The following TMEM132C variants were observed in gnomAD, a reference collection of about 807,000 sequenced individuals.
TMEM132C encodes the protein protein phosphatase 1, regulatory subunit 152.
A neutral mutation model predicts 61.4 loss-of-function variants in TMEM132C; 29 were observed. The observed-to-expected ratio is 0.47, with a 90% CI of 0.35 to 0.64. TMEM132C has a LOEUF of 0.64. Among genes scored for constraint, TMEM132C ranks in the 30% least tolerant of loss-of-function variants. TMEM132C has a pLI of 0.00. For synonymous variants in TMEM132C, 656 were observed against 633.1 expected (o/e 1.04, Z -0.54); for missense variants, 1,408 against 1,476.9 (o/e 0.95, Z 0.76).
In TMEM132C at chr12:128,472,194, C is replaced by T. The variant is rs78524450; in HGVS notation, c.974+56574C>T. On this transcript the variant is annotated intron_variant, in intron 2 of 8. Transcript: ENST00000435159. ...CAAACTTCTGGGCTACATAATAACT[C>T]GGGTTTCTATATTGATGTTTGACAC... Among the ~76,000 whole-genome samples, 610 of 152,184 alleles carry T rather than the reference C, an allele frequency of 4.0e-3. 3 individuals carry two copies. The highest frequency in any genetic ancestry group is 0.014 in the African/African-American group (577 of 41,524).
intron 4 of TMEM132C, among the ~76,000 whole-genome samples, chr12:128,628,689 G>T (rs1013781929): frequency 5.3e-5 from 8 of 152,202 alleles, no homozygotes; most frequent in Non-Finnish European, 1.0e-4. Context: ...GCTGTAGGAT[G>T]TATAGGTGGG....
At chr12:128,515,833 T>C (rs1872700696) in intron 2 of TMEM132C, among the ~76,000 whole-genome samples, 1 of 142,578 alleles carries the variant, frequency 7.0e-6, no homozygotes, top group Non-Finnish European at 1.5e-5. Flanking sequence ...AGACTCCGTC[T>C]CAAAAAAAAA....
At chr12:128,332,452 TTCTC>T (rs1317901081) in intron 1 of TMEM132C, among the ~76,000 whole-genome samples, 6 of 151,496 alleles carry the variant, frequency 4.0e-5, no homozygotes, top group African/African-American at 1.5e-4. Flanking sequence ...TGTATTCTCT[TTCTC>T]TCTCTTTCTC....
At chr12:128,401,537 C>T (rs922787260) in intron 1 of TMEM132C, among the ~76,000 whole-genome samples, 2 of 152,142 alleles carry the variant, frequency 1.3e-5, no homozygotes, top group African/African-American at 4.8e-5. Flanking sequence ...TTGCATTTCA[C>T]ATGCAGATTG....
intron 2 of TMEM132C, among the ~76,000 whole-genome samples, chr12:128,495,415 T>C (rs10161496): frequency 0.35 from 52,545 of 151,778 alleles, 9,520 homozygotes; most frequent in East Asian, 0.58. Flanking sequence ...CTCATTGATC[T>C]GTCTAATGTT....
intron 1 of TMEM132C, among the ~76,000 whole-genome samples, chr12:128,377,952 T>C (rs1009635029): frequency 6.6e-6 from 1 of 152,140 alleles, no homozygotes; most frequent in Non-Finnish European, 1.5e-5. Context: ...GTCATTTCCA[T>C]GGACAAGTTA....
At chr12:128,645,704 C>G (rs921424523) in intron 4 of TMEM132C, among the ~76,000 whole-genome samples, 3 of 152,232 alleles carry the variant, frequency 2.0e-5, no homozygotes, top group Non-Finnish European at 4.4e-5. Flanking sequence ...CAGGGGCCCC[C>G]TTTGGGCTCA....
At chr12:128,616,524 A>G (rs572814887) in intron 4 of TMEM132C, among the ~76,000 whole-genome samples, 189 bp downstream of exon 4, 129 of 152,256 alleles carry the variant, frequency 8.5e-4, no homozygotes, top group Non-Finnish European at 1.5e-3. Flanking sequence ...TTAGTCATGA[A>G]GTTTAGTCCA....
intron 2 of TMEM132C, among the ~76,000 whole-genome samples, chr12:128,527,301 G>A (rs138803236): frequency 2.7e-4 from 41 of 152,282 alleles, no homozygotes; most frequent in African/African-American, 8.9e-4. Context: ...CCAGGAGTCC[G>A]GTGCTATTAT....
intron 5 of TMEM132C, among the ~76,000 whole-genome samples, chr12:128,690,200 G>A (rs1352420362): frequency 1.3e-5 from 2 of 152,226 alleles, no homozygotes; most frequent in East Asian, 1.9e-4. Context: ...GCATAGTTTA[G>A]ATATCAGAGT....
chr12:128,442,415 A>G (rs1023445511), intron 2 of TMEM132C, among the ~76,000 whole-genome samples: 1 of 152,236 alleles, frequency 6.6e-6, no homozygotes, highest in African/African-American at 2.4e-5. Flanking sequence ...CCATCTGGAG[A>G]GAGAGAGTGA....
At chr12:128,354,076 C>T (rs1593021994) in intron 1 of TMEM132C, among the ~76,000 whole-genome samples, 1 of 152,134 alleles carries the variant, frequency 6.6e-6, no homozygotes, top group Non-Finnish European at 1.5e-5. Context: ...GTCTCTTCAC[C>T]TCCAGGTTAC....
chr12:128,416,084 T>C (rs1038944111), intron 2 of TMEM132C, among the ~76,000 whole-genome samples: 2 of 152,078 alleles, frequency 1.3e-5, no homozygotes, highest in Non-Finnish European at 2.9e-5. Context: ...AATTAGGTGG[T>C]GTTAAAGATT....
chr12:128,563,016 G>T (rs1234396347), intron 3 of TMEM132C, among the ~76,000 whole-genome samples: 1 of 152,214 alleles, frequency 6.6e-6, no homozygotes, highest in Admixed American at 6.5e-5. Context: ...GGAGCCTGCT[G>T]CCTTCTTTTA....
At chr12:128,657,167 T>C (rs1316035383) in intron 4 of TMEM132C, among the ~76,000 whole-genome samples, 3 of 152,118 alleles carry the variant, frequency 2.0e-5, no homozygotes, top group Non-Finnish European at 2.9e-5. Flanking sequence ...TGGCCAAACA[T>C]TTTGTCATAC....
At chr12:128,529,540 T>A (rs111965726) in intron 2 of TMEM132C, among the ~76,000 whole-genome samples, 11,626 of 152,176 alleles carry the variant, frequency 0.076, 1,479 homozygotes, top group African/African-American at 0.26. Flanking sequence ...TCCCAGCACT[T>A]TGAGAGGCCA....
chr12:128,432,326 G>A (rs1022972688), intron 2 of TMEM132C, among the ~76,000 whole-genome samples: 1 of 152,234 alleles, frequency 6.6e-6, no homozygotes, highest in Non-Finnish European at 1.5e-5. Flanking sequence ...TTGTATGGCT[G>A]TAGCTGCCAT....
chr12:128,575,849 C>T (rs954448420), intron 3 of TMEM132C, among the ~76,000 whole-genome samples: 6 of 152,216 alleles, frequency 3.9e-5, no homozygotes, highest in African/African-American at 1.4e-4. Flanking sequence ...ATTCATGACA[C>T]TCAGTAGTCT....
At chr12:128,279,557 C>A (rs1401810793) in intron 1 of TMEM132C, among the ~76,000 whole-genome samples, 2 of 152,200 alleles carry the variant, frequency 1.3e-5, no homozygotes, top group African/African-American at 2.4e-5. Flanking sequence ...TCATTTTCAA[C>A]CCCACACTCT....
Sources: gnomAD v4.1 joint callset for allele counts (sites outside exome capture counted in the v4.1 genomes callset) on GRCh38, gnomAD v4.1.1 for gene constraint, MANE v1.5 for transcripts, NCBI Gene and HGNC (gene_info 2026-07-23, HGNC 2026-07-21) for gene names.